Variants in ZHX2 observed in about 807,000 individuals in gnomAD.
ZHX2 encodes zinc fingers and homeoboxes 2.
Under a neutral mutation model 21.9 loss-of-function variants are expected in ZHX2, and 6 were observed. The observed-to-expected ratio is 0.27, with a 90% confidence interval of 0.15 to 0.54. ZHX2 has a LOEUF of 0.54. ZHX2 is among the 20% of genes least tolerant of loss of function. The pLI is 0.95. For missense variants in ZHX2, 908 were observed against 1,090.7 expected (o/e 0.83, Z 2.36); for synonymous variants, 434 against 437.1 (o/e 0.99, Z 0.09).
At chr8:122,932,746 C>A (rs540422590) in intron 2 of ZHX2, among the ~76,000 whole-genome samples, 22 of 152,294 alleles carry the variant, frequency 1.4e-4, no homozygotes, top group African/African-American at 5.1e-4. Flanking sequence ...CTGTCAAATT[C>A]CCTTTTCACG....
intron 2 of ZHX2, among the ~76,000 whole-genome samples, chr8:122,929,324 A>G (rs931715573): frequency 6.6e-6 from 1 of 151,940 alleles, no homozygotes; most frequent in East Asian, 1.9e-4. Flanking sequence ...TCATATCTTT[A>G]TATTTTGGCC....
intron 1 of ZHX2, among the ~76,000 whole-genome samples, chr8:122,814,791 T>G (rs1817998070): frequency 6.6e-6 from 1 of 152,182 alleles, no homozygotes; most frequent in Non-Finnish European, 1.5e-5. Flanking sequence ...AGAGTTAGCA[T>G]TAGTTGGGGT....
Position 122,952,635 on chromosome 8 carries a change from C to T in ZHX2, c.1125C>T (p.Ser375=), listed in dbSNP as rs373199431. 1.2e-6 allele frequency: 2 copies of T among 1,614,174 alleles called. No individual in the cohort carries two copies. Among genetic ancestry groups the T allele is most frequent in the Middle Eastern group, 1.6e-4 (1 of 6,062 alleles). ...ALPCQILGQT[S]LVLTQVTSGS... ...CGTGCCAGATCCTCGGCCAGACTAG[C>T]CTGGTGCTGACTCAGGTGACCAGCG... The change falls in exon 3 of 4, where the codon AGC becomes AGT. Residue 375 remains serine (S), a synonymous_variant. Coordinates refer to ENST00000314393, the MANE Select transcript of ZHX2 (RefSeq NM_014943.5). This position sits in a 1 kb window ranked among gnomAD's most constrained non-coding sequence, Gnocchi z 6.9.
chr8:122,915,560 T>A (rs1297353267), intron 2 of ZHX2, among the ~76,000 whole-genome samples: 1 of 152,240 alleles, frequency 6.6e-6, no homozygotes, highest in South Asian at 2.1e-4. Context: ...GGAAAATCGT[T>A]CATCTCTTTC....
At chr8:122,895,483 A>G (rs1009561806) in intron 2 of ZHX2, among the ~76,000 whole-genome samples, 3 of 152,200 alleles carry the variant, frequency 2.0e-5, no homozygotes, top group African/African-American at 4.8e-5. Flanking sequence ...ATGAATTTCT[A>G]TAAGCCCTTT....
chr8:122,787,113 G>T (rs944785560), intron 1 of ZHX2, among the ~76,000 whole-genome samples: 1 of 151,472 alleles, frequency 6.6e-6, no homozygotes, highest in Non-Finnish European at 1.5e-5. Context: ...GTGTGTGTGT[G>T]TAAAACAGAC....
intron 1 of ZHX2, among the ~76,000 whole-genome samples, chr8:122,826,106 T>C (rs1449665088): frequency 2.6e-5 from 4 of 152,218 alleles, no homozygotes; most frequent in African/African-American, 9.7e-5. Flanking sequence ...AGCCCTATTT[T>C]CTTCACTAGA....
chr8:122,960,044 C>T (rs879572356), intron 3 of ZHX2, among the ~76,000 whole-genome samples: 3 of 152,114 alleles, frequency 2.0e-5, no homozygotes, highest in Non-Finnish European at 4.4e-5. Context: ...TGCAGTGTGC[C>T]GGGCTCTGGA....
At chr8:122,854,670 A>T (rs1012562495) in intron 1 of ZHX2, among the ~76,000 whole-genome samples, 2 of 152,032 alleles carry the variant, frequency 1.3e-5, no homozygotes, top group Non-Finnish European at 2.9e-5. Flanking sequence ...ACCTGAGTGA[A>T]CTCACTGTCA....
intron 1 of ZHX2, among the ~76,000 whole-genome samples, chr8:122,845,542 A>C (rs182073700): frequency 1.3e-5 from 2 of 152,226 alleles, no homozygotes; most frequent in Non-Finnish European, 2.9e-5. Context: ...GTATATAAAT[A>C]TCCTTATATC....
intron 2 of ZHX2, among the ~76,000 whole-genome samples, chr8:122,866,822 T>C (rs549779206): frequency 5.6e-4 from 85 of 152,112 alleles, no homozygotes; most frequent in Non-Finnish European, 7.6e-4. Context: ...ATAATTTCTT[T>C]ATTTTTTATT....
chr8:122,871,544 G>T (rs1472823619), intron 2 of ZHX2, among the ~76,000 whole-genome samples: 1 of 108,326 alleles, frequency 9.2e-6, no homozygotes, highest in African/African-American at 3.5e-5. Flanking sequence ...GGGGGGAGGG[G>T]GGAGGGATAG....
At chr8:122,813,379 C>T (rs1318071854) in intron 1 of ZHX2, among the ~76,000 whole-genome samples, 1 of 152,106 alleles carries the variant, frequency 6.6e-6, no homozygotes, top group Admixed American at 6.5e-5. Flanking sequence ...CTTTCAGTTT[C>T]CTATGTTGTG....
chr8:122,933,987 A>G lies in ZHX2; in HGVS notation c.-219-17305A>G, dbSNP rs369634260. On this transcript the variant is annotated intron_variant, in intron 2 of 3. Transcript: ENST00000314393. Reference sequence around the variant, plus strand: ...GGAGTTCAAGACGAGCCTGAGCAACATAGTGAGACTTTGTCTACATTAATT... The same window carrying G: ...GGAGTTCAAGACGAGCCTGAGCAACGTAGTGAGACTTTGTCTACATTAATT... Among the ~76,000 whole-genome samples, 23 of 152,338 alleles carry G rather than the reference A, an allele frequency of 1.5e-4. No individual in the cohort carries two copies. In the East Asian group the frequency reaches 1.5e-3, roughly 10 times the overall value.
chr8:122,906,924 G>A (rs1256891249), intron 2 of ZHX2, among the ~76,000 whole-genome samples: 1 of 152,046 alleles, frequency 6.6e-6, no homozygotes, highest in African/African-American at 2.4e-5. Context: ...GCCCACCTCA[G>A]CCTCCCAAAG....
intron 1 of ZHX2, among the ~76,000 whole-genome samples, chr8:122,831,597 C>T (rs1008888497): frequency 1.3e-5 from 2 of 152,122 alleles, no homozygotes; most frequent in African/African-American, 2.4e-5. Flanking sequence ...TGGCCTTGCA[C>T]GGGTTGTAGG....
intron 2 of ZHX2, among the ~76,000 whole-genome samples, chr8:122,932,100 G>A (rs1416304554): frequency 6.6e-6 from 1 of 152,156 alleles, no homozygotes; most frequent in East Asian, 1.9e-4. Context: ...AATCTTATGG[G>A]TCAGGGCTGA....
At chr8:122,871,323 A>G (rs1819429900) in intron 2 of ZHX2, among the ~76,000 whole-genome samples, 1 of 151,958 alleles carries the variant, frequency 6.6e-6, no homozygotes, top group Non-Finnish European at 1.5e-5. Flanking sequence ...CGTGGCACAT[A>G]TACACCATGG....
intron 2 of ZHX2, among the ~76,000 whole-genome samples, chr8:122,922,275 G>GA (rs34211897): frequency 5.3e-4 from 68 of 127,756 alleles, no homozygotes; most frequent in Admixed American, 7.2e-4. Flanking sequence ...GTGAGTTCAT[G>GA]AAAAAAAAAA....
Sources: allele counts gnomAD v4.1 joint callset (sites outside exome capture counted in the v4.1 genomes callset), GRCh38; gene constraint gnomAD v4.1.1; non-coding constraint Gnocchi (gnomAD v3.1); transcripts MANE v1.5; gene names NCBI Gene and HGNC (gene_info 2026-07-23, HGNC 2026-07-21).